Variants in SLC25A23 observed in about 807,000 individuals in gnomAD.
The protein encoded by SLC25A23 is mitochondrial adenyl nucleotide antiporter SLC25A23.
SLC25A23 carries 32 observed loss-of-function variants against 53.9 expected under a neutral mutation model. The observed-to-expected ratio is 0.59, with a 90% confidence interval of 0.45 to 0.80. SLC25A23 has a LOEUF of 0.80. Among genes scored for constraint, SLC25A23 ranks in the 30% least tolerant of loss-of-function variants. The probability of loss-of-function intolerance (pLI) is 0.00; values close to 1 mark genes in which losing one functional copy is unlikely to be tolerated. For synonymous variants in SLC25A23, 275 were observed against 264.5 expected, an observed-to-expected ratio of 1.04 and a Z score of -0.38; for missense variants, 575 against 651.4, an observed-to-expected ratio of 0.88 and a Z score of 1.28.
rs2092646928 is a variant in SLC25A23 at position 6,454,505 on chromosome 19, C to G, written c.643-30G>C. ...ATGGGGAGACAACAGCTTGGAGGTCCCCTCCCAGGTGTCAGGCCTGGGGGA... is the reference window on the plus strand; with the variant it reads ...ATGGGGAGACAACAGCTTGGAGGTCGCCTCCCAGGTGTCAGGCCTGGGGGA... On this transcript the variant is annotated intron_variant, in intron 5 of 9. Coordinates refer to ENST00000301454, the MANE Select transcript of SLC25A23 (RefSeq NM_024103.3). This position sits in a 1 kb window ranked among gnomAD's most constrained non-coding sequence, Gnocchi z 4.3. The G allele has an allele frequency of 6.2e-7, 1 of 1,613,420 alleles. No homozygotes were observed. Among genetic ancestry groups the G allele is most frequent in the African/African-American group, 1.3e-5 (1 of 74,922 alleles).
intron 4 of SLC25A23, chr19:6,455,961 C>T (rs1173521562): frequency 4.2e-5 from 51 of 1,215,834 alleles, no homozygotes; most frequent in Middle Eastern, 2.3e-4. Context: ...CCTCGTGATC[C>T]GCCCACTTCG....
At chr19:6,443,739 G>A (rs969811848) in intron 9 of SLC25A23, 1 of 655,528 alleles carries the variant, frequency 1.5e-6, no homozygotes, top group Non-Finnish European at 2.8e-6. Flanking sequence ...GGAGGGTAGT[G>A]GTGGAGGGGA....
At chr19:6,450,949 G>A (rs1427945036) in intron 8 of SLC25A23, among the ~76,000 whole-genome samples, 1 of 151,614 alleles carries the variant, frequency 6.6e-6, no homozygotes, top group East Asian at 1.9e-4. Context: ...GTGGTGGCAG[G>A]CACCTGTAAT....
chr19:6,448,819 T>C (rs748615194), intron 8 of SLC25A23, among the ~76,000 whole-genome samples: 9 of 150,156 alleles, frequency 6.0e-5, no homozygotes, highest in African/African-American at 7.3e-5. Context: ...ACGTCAGGAG[T>C]TCAAGACCAG....
rs2289783 is a variant in SLC25A23 at position 6,459,341 on chromosome 19, C to A, written c.156+132G>T. 30,877 of 733,458 alleles carry A rather than the reference C, an allele frequency of 0.042. 795 individuals are homozygous for A. Among genetic ancestry groups the A allele is most frequent in the South Asian group, 0.084 (3,490 of 41,520 alleles). 45.4% of individuals were successfully genotyped at this position (733,458 alleles called of 1,614,324 possible). On this transcript the variant is annotated intron_variant, in intron 1 of 9. Transcript: ENST00000301454. The surrounding 1 kb of genome is among the most constrained non-coding windows in gnomAD (Gnocchi z 4.6). ...GCCAAACACGAGTGGGTAGGGGGAA[C>A]GAGACAGAGACACAGGTTCTGGAGT...
At position 6,452,408 on chromosome 19, in the gene SLC25A23, G is replaced by A. The variant is rs1000951036; in HGVS notation, c.975C>T (p.Ile325=). The A allele has an allele frequency of 7.4e-6, 12 of 1,613,832 alleles. No individual in the cohort carries two copies. In the African/African-American group the frequency reaches 1.6e-4, roughly 22 times the overall value. ...AGGCACGGGGCCCCTCCCTCTCCAG[G>A]ATACGCCTGGCGCAGTCCAGCAGCC... The part of the protein sequence containing the change: ...YKGLLDCARR[I]LEREGPRAFY... Residue 325 remains isoleucine (I), a synonymous_variant, in exon 8 of 10, where the codon ATC becomes ATT. Transcript: ENST00000301454.
chr19:6,444,330 T>TGGGGTGGGTG, intron 8 of SLC25A23, 29 bp from the exon 9 acceptor site: 18 of 837,576 alleles, frequency 2.1e-5, no homozygotes, highest in East Asian at 3.5e-5. Flanking sequence ...TAGGGAGGGT[T>TGGGGTGGGTG]GGGGTGGGTG....
rs545514152 is a variant in SLC25A23, at chr19:6,448,867, T to C, written c.1071+3445A>G. On this transcript the variant is annotated intron_variant, in intron 8 of 9. Coordinates refer to ENST00000301454, the MANE Select transcript of SLC25A23 (RefSeq NM_024103.3). Reference sequence around the variant, plus strand: ...AGTGAAACCCCGTCTCTACTAAAAATACAAAAATTAGCCTGGCGTGGTGGC... The same window carrying C: ...AGTGAAACCCCGTCTCTACTAAAAACACAAAAATTAGCCTGGCGTGGTGGC... Among the ~76,000 whole-genome samples the C allele has an allele frequency of 4.6e-5, 7 of 150,734 alleles. No individual in the cohort carries two copies. In the South Asian group the frequency reaches 1.3e-3, roughly 28 times the overall value.
At position 6,440,957 on chromosome 19, in the gene SLC25A23, G is replaced by C. The variant is rs1172209192; in HGVS notation, c.*1018C>G. The C allele has an allele frequency of 6.6e-6, 1 of 152,212 alleles. No homozygotes were observed. Among genetic ancestry groups the C allele is most frequent in the African/African-American group, 2.4e-5 (1 of 41,444 alleles). 9.4% of individuals were successfully genotyped at this position (152,212 alleles called of 1,614,324 possible). On this transcript the variant is annotated 3_prime_UTR_variant, in exon 10 of 10. Coordinates refer to ENST00000301454, the MANE Select transcript of SLC25A23 (RefSeq NM_024103.3). The stretch of plus-strand genomic sequence containing the variant: ...GGAATATCAGGATCTGCCTTCAAGA[G>C]ATGAGGTTTCAACATTGAGGGACTG...
intron 9 of SLC25A23, chr19:6,443,718 C>A (rs372982974): frequency 2.9e-6 from 2 of 678,658 alleles, no homozygotes; most frequent in East Asian, 2.7e-5. Flanking sequence ...AAAACAGATT[C>A]AGGGAGAATG....
chr19:6,443,790 C>G (rs767370271), intron 9 of SLC25A23: 87 of 599,900 alleles, frequency 1.5e-4, no homozygotes, highest in Non-Finnish European at 2.4e-4. Context: ...CAGACAAAAA[C>G]AATAACCACT....
At position 6,459,487 on chromosome 19, in the gene SLC25A23, G is replaced by A; in HGVS notation, c.142C>T (p.Pro48Ser). 6.3e-7 allele frequency: 1 copy of A among 1,591,936 alleles called. No individual in the cohort carries two copies. ...GGTGGGGGTACCTGTTGGGCGCCGG[G>A]GTCTGGGTTGCCCCCGCCCAGCCTG... is the stretch of plus-strand genomic sequence containing the variant. The part of the protein sequence containing the change: ...LARLGGGNPD[P>S]GAQQGISSEG... The change falls in exon 1 of 10, where the codon CCC becomes TCC. Residue 48 changes from proline (P) to serine (S), a missense_variant. Coordinates refer to ENST00000301454, the MANE Select transcript of SLC25A23 (RefSeq NM_024103.3). This position sits in a 1 kb window ranked among gnomAD's most constrained non-coding sequence, Gnocchi z 4.6.
chr19:6,442,332 C>T (rs1343018943), intron 9 of SLC25A23, among the ~76,000 whole-genome samples, 173 bp from the exon 10 acceptor site: 1 of 152,150 alleles, frequency 6.6e-6, no homozygotes, highest in Non-Finnish European at 1.5e-5. Context: ...GAACTGGCTG[C>T]TCACCTTTTC....
chr19:6,449,185 T>A (rs1049192387), intron 8 of SLC25A23, among the ~76,000 whole-genome samples: 3 of 152,218 alleles, frequency 2.0e-5, no homozygotes, highest in Middle Eastern at 3.4e-3. Flanking sequence ...CTTAGACTTT[T>A]AAAGTCCCTT....
intron 4 of SLC25A23, among the ~76,000 whole-genome samples, chr19:6,455,787 G>C (rs1216551630): frequency 6.9e-6 from 1 of 144,482 alleles, no homozygotes; most frequent in Admixed American, 7.4e-5. Flanking sequence ...GCACGATCTC[G>C]GCTCACTGCA....
Position 6,453,974 on chromosome 19 carries a change from T to G in SLC25A23, c.903+7A>C. 6.2e-7 allele frequency: 1 copy of G among 1,608,920 alleles called. No individual in the cohort carries two copies. Among genetic ancestry groups the G allele is most frequent in the Non-Finnish European group, 8.5e-7 (1 of 1,177,260 alleles). On this transcript the variant is annotated splice_region_variant and intron_variant, in intron 7 of 9. Transcript: ENST00000301454. ...ATGGGGCCTCCGCTGGGGTCCCTCC[T>G]TCTCACCTCCATAGGGTAAATGATG...
rs901681788 is a variant in SLC25A23 at position 6,454,642 on chromosome 19, T to G, written c.559A>C (p.Lys187Gln). ...GCCACTGCGCCGGCCACCAGCTGTT[T>G]CCACCACATGCCCGTCAGCTTCTCT... ...KQEKLTGMWW[K>Q]QLVAGAVAGA... is the part of the protein sequence containing the mutation. Residue 187 changes from lysine to glutamine, a missense_variant, in exon 5 of 10, where the codon AAA becomes CAA. Coordinates refer to ENST00000301454, the MANE Select transcript of SLC25A23 (RefSeq NM_024103.3). The surrounding 1 kb of genome is among the most constrained non-coding windows in gnomAD (Gnocchi z 4.3). 4 of 1,613,982 alleles carry G rather than the reference T, an allele frequency of 2.5e-6. No individual in the cohort carries two copies. The highest frequency in any genetic ancestry group is 3.3e-5 in the Admixed American group (2 of 60,006).
chr19:6,459,464 T>TG lies in SLC25A23; in HGVS notation c.156+8dup. On this transcript the variant is annotated intron_variant, in intron 1 of 9. Coordinates refer to ENST00000301454, the MANE Select transcript of SLC25A23 (RefSeq NM_024103.3). This position sits in a 1 kb window ranked among gnomAD's most constrained non-coding sequence, Gnocchi z 4.6. ...CGGGAGGGGAGGAGGTCCCTGGGGG[T>TG]GGGGGTACCTGTTGGGCGCCGGGGT... 1 of 1,580,252 alleles carries TG rather than the reference T, an allele frequency of 6.3e-7. No individual in the cohort carries two copies.
downstream of SLC25A23, chr19:6,436,549 C>CTT (rs1249190211): frequency 1.6e-3 from 587 of 357,188 alleles, no homozygotes; most frequent in African/African-American, 2.2e-3. Context: ...GCGACAGTGT[C>CTT]TTTTTTTTTT....
Sources: allele counts gnomAD v4.1 joint callset (sites outside exome capture counted in the v4.1 genomes callset), GRCh38; gene constraint gnomAD v4.1.1; non-coding constraint Gnocchi (gnomAD v3.1); transcripts MANE v1.5; gene names NCBI Gene and HGNC (gene_info 2026-07-23, HGNC 2026-07-21).